LRRC7: variants seen among roughly 807,000 people sequenced by gnomAD.
LRRC7 encodes the protein leucine rich repeat containing 7, also known as leucine-rich repeat-containing protein 7.
A neutral mutation model predicts 175.7 loss-of-function variants in LRRC7; 23 were observed. The ratio of observed to expected loss-of-function variants is 0.13; its 90% CI spans 0.09 to 0.19. The LOEUF (loss-of-function observed/expected upper bound fraction) is 0.19, where lower values mean the gene tolerates loss of function less well. Ranked by LOEUF, LRRC7 falls within the 10% of genes least tolerant of loss-of-function variation. LRRC7 has a pLI of 1.00. For missense variants in LRRC7, 1,354 were observed against 1,904.7 expected (o/e 0.71, Z 5.38); for synonymous variants, 685 against 680.9 (o/e 1.01, Z -0.09).
chr1:69,855,575 TGTG>T (rs1361312830), intron 7 of LRRC7, among the ~76,000 whole-genome samples: 1 of 152,128 alleles, frequency 6.6e-6, no homozygotes, highest in Non-Finnish European at 1.5e-5. Context: ...ATAAGTGCGA[TGTG>T]GTGCTGAGAA....
At chr1:69,725,352 G>A (rs1284895235) in intron 2 of LRRC7, among the ~76,000 whole-genome samples, 2 of 152,060 alleles carry the variant, frequency 1.3e-5, no homozygotes, top group Non-Finnish European at 2.9e-5. Context: ...TCAAACCTGT[G>A]TTGTTCAAGG....
Position 69,831,101 on chromosome 1 carries a change from A to G in LRRC7, c.501-3679A>G, listed in dbSNP as rs1171247490. 2.0e-5 allele frequency among the ~76,000 whole-genome samples: 3 copies of G among 152,094 alleles called. No homozygotes were observed. In the East Asian group the frequency reaches 5.8e-4, roughly 29 times the overall value. Reference sequence around the variant, plus strand: ...AGAATAGTAGACTGAGAGAAGCTGCATAGTTTTGATATATAGGAAAAATAT... The same window carrying G: ...AGAATAGTAGACTGAGAGAAGCTGCGTAGTTTTGATATATAGGAAAAATAT... On this transcript the variant is annotated intron_variant, in intron 5 of 26. Coordinates refer to ENST00000651989, the MANE Select transcript of LRRC7 (RefSeq NM_001370785.2).
rs1372967269 is a variant in LRRC7, at chr1:70,133,292, C to T, written c.*11405C>T. 6.6e-6 allele frequency among the ~76,000 whole-genome samples: 1 copy of T among 152,104 alleles called. No individual in the cohort carries two copies. The highest frequency in any genetic ancestry group is 2.4e-5 in the African/African-American group (1 of 41,402). On this transcript the variant is annotated 3_prime_UTR_variant, in exon 27 of 27. Coordinates refer to ENST00000651989, the MANE Select transcript of LRRC7 (RefSeq NM_001370785.2). ...CTGGAGTGCAGTGGCGCGATCTCGGCTCACTGCAACCTCCACCTCCTGGGT... is the reference window on the plus strand; with the variant it reads ...CTGGAGTGCAGTGGCGCGATCTCGGTTCACTGCAACCTCCACCTCCTGGGT...
intron 10 of LRRC7, among the ~76,000 whole-genome samples, chr1:69,993,842 A>G (rs1220910510): frequency 6.6e-6 from 1 of 152,146 alleles, no homozygotes; most frequent in Non-Finnish European, 1.5e-5. Flanking sequence ...TTATGGTTGG[A>G]TAAGGAAGTT....
intron 24 of LRRC7, among the ~76,000 whole-genome samples, chr1:70,078,560 T>C (rs549242946): frequency 1.3e-5 from 2 of 152,286 alleles, no homozygotes; most frequent in African/African-American, 4.8e-5. Context: ...TTTTTCTTTT[T>C]CTAACCTCTC....
At chr1:70,037,317 T>C (rs559383480) in intron 20 of LRRC7, among the ~76,000 whole-genome samples, 1 of 152,358 alleles carries the variant, frequency 6.6e-6, no homozygotes, top group South Asian at 2.1e-4. Context: ...TGGCAATGTC[T>C]TCTTTAGTAA....
chr1:70,011,725 G>T, intron 11 of LRRC7, 72 bp from the exon 12 acceptor site: 1 of 1,036,874 alleles, frequency 9.6e-7, no homozygotes, highest in South Asian at 1.4e-5. Context: ...GTGAATTTTG[G>T]ATATGTGGCT....
intron 2 of LRRC7, among the ~76,000 whole-genome samples, chr1:69,722,892 G>T (rs1354688497): frequency 6.6e-6 from 1 of 151,828 alleles, no homozygotes; most frequent in Non-Finnish European, 1.5e-5. Flanking sequence ...ATACACATAT[G>T]TACACTCTTT....
rs1450400128 is a variant in LRRC7, at chr1:70,038,291, A to G, written c.2467A>G (p.Thr823Ala). The G allele has an allele frequency of 3.1e-6, 5 of 1,614,044 alleles. No individual in the cohort carries two copies. The highest frequency in any genetic ancestry group is 2.5e-6 in the Non-Finnish European group (3 of 1,180,022). Residue 823 changes from threonine to alanine, a missense_variant, in exon 21 of 27, where the codon ACA becomes GCA. Thr to Ala is a moderately conservative substitution (Grantham distance 58). Coordinates refer to ENST00000651989, the MANE Select transcript of LRRC7 (RefSeq NM_001370785.2). ...CACAGGGTTTGTTGCTGAGGAAACC[A>G]CAGCCGAGAATGCCAACAGTAATCC... The part of the protein sequence containing the change: ...DNTGFVAEET[T>A]AENANSNPLL...
At chr1:69,807,622 C>T (rs1482910366) in intron 4 of LRRC7, among the ~76,000 whole-genome samples, 1 of 151,952 alleles carries the variant, frequency 6.6e-6, no homozygotes, top group Non-Finnish European at 1.5e-5. Flanking sequence ...TTGAATATTG[C>T]CCCCGACTCT....
chr1:70,083,149 A>G (rs965141052), intron 24 of LRRC7, among the ~76,000 whole-genome samples: 1 of 152,138 alleles, frequency 6.6e-6, no homozygotes, highest in Non-Finnish European at 1.5e-5. Context: ...TTTCATTCAC[A>G]AGAGGAAAAG....
chr1:69,996,745 T>G (rs1655011429), intron 11 of LRRC7, among the ~76,000 whole-genome samples: 1 of 152,124 alleles, frequency 6.6e-6, no homozygotes. Flanking sequence ...TCTGTTCTGT[T>G]CCGTTGATCT....
In LRRC7 at chr1:70,124,076, C is replaced by A. The variant is rs1306559865; in HGVS notation, c.*2189C>A. Among the ~76,000 whole-genome samples the A allele has an allele frequency of 1.3e-5, 2 of 152,156 alleles. No homozygotes were observed. The highest frequency in any genetic ancestry group is 2.9e-5 in the Non-Finnish European group (2 of 68,020). ...CCACTCCTGATGTGACAACATTGTC[C>A]TGAGCCACTTCTTTAGTACTTCCTG... On this transcript the variant is annotated 3_prime_UTR_variant, in exon 27 of 27. Transcript: ENST00000651989.
chr1:69,955,587 A>T (rs555589900), intron 8 of LRRC7, among the ~76,000 whole-genome samples: 15 of 152,170 alleles, frequency 9.9e-5, no homozygotes, highest in African/African-American at 3.4e-4. Context: ...GGGCAAGATT[A>T]TATAGATAAG....
At chr1:69,910,104 C>T (rs917920472) in intron 7 of LRRC7, among the ~76,000 whole-genome samples, 1 of 152,132 alleles carries the variant, frequency 6.6e-6, no homozygotes, top group Non-Finnish European at 1.5e-5. Context: ...GTTCTCGAGC[C>T]TTGGCTTTCA....
At chr1:69,706,037 C>T (rs1001997285) in intron 2 of LRRC7, among the ~76,000 whole-genome samples, 3 of 152,078 alleles carry the variant, frequency 2.0e-5, no homozygotes, top group African/African-American at 7.2e-5. Context: ...CTCTTCTTTT[C>T]GTAATTTCTT....
chr1:69,694,627 T>C (rs1241321001), intron 2 of LRRC7, among the ~76,000 whole-genome samples: 1 of 152,160 alleles, frequency 6.6e-6, no homozygotes, highest in Non-Finnish European at 1.5e-5. Context: ...GGTGTTTGAT[T>C]CATGAGGGTA....
intron 2 of LRRC7, among the ~76,000 whole-genome samples, chr1:69,741,417 C>T (rs898752735): frequency 1.1e-4 from 16 of 150,474 alleles, no homozygotes; most frequent in East Asian, 3.9e-4. Flanking sequence ...TAATCTAAGA[C>T]GTGAAATAGT....
chr1:70,108,171 GTGACTT>G (rs1665272655), intron 26 of LRRC7, among the ~76,000 whole-genome samples: 1 of 151,548 alleles, frequency 6.6e-6, no homozygotes, highest in South Asian at 2.1e-4. Flanking sequence ...CAGTATGTGT[GTGACTT>G]TCATGAGGGA....
Sources: allele counts gnomAD v4.1 joint callset (sites outside exome capture counted in the v4.1 genomes callset), GRCh38; gene constraint gnomAD v4.1.1; transcripts MANE v1.5; gene names NCBI Gene and HGNC (gene_info 2026-07-23, HGNC 2026-07-21).